Variants in TIAM2 observed in about 807,000 individuals in gnomAD.
TIAM2 encodes rho guanine nucleotide exchange factor TIAM2.
In TIAM2, 80 loss-of-function variants were observed where a neutral mutation model predicts 152.9. The ratio of observed to expected loss-of-function variants is 0.52; its 90% CI spans 0.44 to 0.63. The LOEUF (loss-of-function observed/expected upper bound fraction) is 0.63, where lower values mean the gene tolerates loss of function less well. Among genes scored for constraint, TIAM2 ranks in the 30% least tolerant of loss-of-function variants. TIAM2 has a pLI of 0.00. For synonymous variants in TIAM2, 804 were observed against 838.0 expected (o/e 0.96, Z 0.70); for missense variants, 1,965 against 2,120.1 (o/e 0.93, Z 1.44).
intron 14 of TIAM2, among the ~76,000 whole-genome samples, chr6:155,187,573 C>CCCGGTTTTTTTTTTTTTTTT: frequency 2.0e-5 from 1 of 49,622 alleles, no homozygotes; most frequent in South Asian, 9.5e-4. Context: ...ACCCCGCCCC[C>CCCGGTTTTTTTTTTTTTTTT]TTTTTTTTTT....
chr6:155,034,590 A>C (rs1056950543), intron 1 of TIAM2, among the ~76,000 whole-genome samples: 1 of 152,130 alleles, frequency 6.6e-6, no homozygotes, highest in African/African-American at 2.4e-5. Context: ...GGATGTCTTC[A>C]TCTAGATGTT....
At chr6:155,191,196 A>G (rs1781194943) in intron 14 of TIAM2, among the ~76,000 whole-genome samples, 1 of 152,204 alleles carries the variant, frequency 6.6e-6, no homozygotes, top group Non-Finnish European at 1.5e-5. Flanking sequence ...ACACCATCTG[A>G]TGACCTGGTT....
chr6:155,250,219 G>A (rs888624422), intron 21 of TIAM2, among the ~76,000 whole-genome samples: 8 of 151,982 alleles, frequency 5.3e-5, no homozygotes, highest in Non-Finnish European at 8.8e-5. Context: ...GTGAGAGCTG[G>A]CAGAGGGTGG....
At chr6:155,208,856 ACT>A (rs748582368) in intron 14 of TIAM2, among the ~76,000 whole-genome samples, 6 of 151,514 alleles carry the variant, frequency 4.0e-5, no homozygotes, top group Non-Finnish European at 8.8e-5. Flanking sequence ...CATCGAGGAC[ACT>A]CTTCCATCTC....
intron 1 of TIAM2, among the ~76,000 whole-genome samples, chr6:155,064,373 C>A (rs540563759): frequency 5.9e-5 from 9 of 152,328 alleles, no homozygotes; most frequent in South Asian, 2.1e-4. Context: ...AAGAAAAGCA[C>A]ACAATCTCAT....
intron 2 of TIAM2, among the ~76,000 whole-genome samples, chr6:155,107,225 T>C (rs1778715944): frequency 6.6e-6 from 1 of 152,208 alleles, no homozygotes; most frequent in African/African-American, 2.4e-5. Flanking sequence ...ACATGTGAGA[T>C]AAAAATGTTT....
In TIAM2 at chr6:154,995,714, A is replaced by C. The variant is rs916801433; in HGVS notation, c.-209+222A>C. 2.6e-5 allele frequency among the ~76,000 whole-genome samples: 4 copies of C among 152,024 alleles called. No individual in the cohort carries two copies. Among genetic ancestry groups the C allele is most frequent in the Non-Finnish European group, 5.9e-5 (4 of 67,984 alleles). On this transcript the variant is annotated intron_variant, in intron 1 of 26. Coordinates refer to ENST00000682666, the MANE Select transcript of TIAM2 (RefSeq NM_012454.4). This position sits in a 1 kb window ranked among gnomAD's most constrained non-coding sequence, Gnocchi z 5.2. ...CCCCGGAGGGCGGCAGCGTCCGGGC[A>C]CAGCCTGGCACGGGGGACGAAGCAC...
At chr6:155,020,150 G>A (rs1394225788) in intron 1 of TIAM2, among the ~76,000 whole-genome samples, 2 of 152,180 alleles carry the variant, frequency 1.3e-5, no homozygotes, top group Non-Finnish European at 2.9e-5. Context: ...TCCCGGCTGT[G>A]CAGCCTTGCC....
At chr6:155,176,211 G>C (rs1277231595) in intron 9 of TIAM2, among the ~76,000 whole-genome samples, 1 of 152,086 alleles carries the variant, frequency 6.6e-6, no homozygotes, top group African/African-American at 2.4e-5. Flanking sequence ...TGGATACTCA[G>C]CAGCCCTTAC....
Position 155,144,643 on chromosome 6 carries a change from T to G in TIAM2, c.1668T>G (p.Asn556Lys). 2 of 1,567,946 alleles carry G rather than the reference T, an allele frequency of 1.3e-6. No homozygotes were observed. The highest frequency in any genetic ancestry group is 1.7e-6 in the Non-Finnish European group (2 of 1,163,404). ...TGTTTTATGAGACCTATGGGAAGAATTCCATGGATCAGAGCAGTGCCCCTC... is the reference window on the plus strand; with the variant it reads ...TGTTTTATGAGACCTATGGGAAGAAGTCCATGGATCAGAGCAGTGCCCCTC... ...TLLFYETYGK[N>K]SMDQSSAPRC... The change falls in exon 6 of 27, where the codon AAT (asparagine) becomes AAG (lysine). Residue 556 changes from asparagine to lysine, a missense_variant. By Grantham distance (94) the Asn-to-Lys change is moderately conservative. Coordinates refer to ENST00000682666, the MANE Select transcript of TIAM2 (RefSeq NM_012454.4).
chr6:155,213,996 G>A lies in TIAM2; in HGVS notation c.3168+2689G>A, dbSNP rs755837287. 6.6e-6 allele frequency among the ~76,000 whole-genome samples: 1 copy of A among 152,224 alleles called. No individual in the cohort carries two copies. The highest frequency in any genetic ancestry group is 2.4e-5 in the African/African-American group (1 of 41,468). ...CCTAGGCCCCTGAGAGTGCAGAGAT[G>A]TCTGGGTCCACAGTCGCGGCTACGT... On this transcript the variant is annotated intron_variant, in intron 15 of 26. Transcript: ENST00000682666. This position sits in a 1 kb window ranked among gnomAD's most constrained non-coding sequence, Gnocchi z 4.2.
intron 9 of TIAM2, chr6:155,168,881 A>G (rs1449490667): frequency 6.5e-7 from 1 of 1,535,676 alleles, no homozygotes; most frequent in South Asian, 1.2e-5. Context: ...ATTTTCTGGA[A>G]CTCAGCTACC....
chr6:155,028,296 A>G lies in TIAM2; in HGVS notation c.-209+32804A>G, dbSNP rs980968098. 4.0e-4 allele frequency among the ~76,000 whole-genome samples: 50 copies of G among 125,862 alleles called. 4 individuals are homozygous for G. The highest frequency in any genetic ancestry group is 8.1e-4 in the Non-Finnish European group (49 of 60,696). The allele number at this position is 125,862 out of a possible 152,430, so 82.6% of individuals were successfully genotyped here. On this transcript the variant is annotated intron_variant, in intron 1 of 26. Transcript: ENST00000682666. ...AATATATGTACTGTGTTACATATAT[A>G]CTACATATATGTACTGTGTTACATA...
rs565835853 is a variant in TIAM2 at position 155,252,576 on chromosome 6, A to C, written c.4120-372A>C. On this transcript the variant is annotated intron_variant, in intron 23 of 26. Transcript: ENST00000682666. Reference sequence around the variant, plus strand: ...TGGCCCATGTTTGTTCCATAAACATAGTCTGTGAAACTTTGGTTTATTTTC... The same window carrying C: ...TGGCCCATGTTTGTTCCATAAACATCGTCTGTGAAACTTTGGTTTATTTTC... Among the ~76,000 whole-genome samples the C allele has an allele frequency of 2.6e-5, 4 of 152,364 alleles. No homozygotes were observed. The East Asian group carries it at 7.7e-4, about 29-fold the overall frequency.
In TIAM2 at chr6:155,156,258, G is replaced by T. The variant is rs547647291; in HGVS notation, c.2028+7924G>T. Reference sequence around the variant, plus strand: ...GGTGAGAGGTAGACAGGGGAAGTAGGACTGTCTGTCACTCTCTCCTCCCGG... The same window carrying T: ...GGTGAGAGGTAGACAGGGGAAGTAGTACTGTCTGTCACTCTCTCCTCCCGG... On this transcript the variant is annotated intron_variant, in intron 7 of 26. Coordinates refer to ENST00000682666, the MANE Select transcript of TIAM2 (RefSeq NM_012454.4). The surrounding 1 kb of genome is among the most constrained non-coding windows in gnomAD (Gnocchi z 4.4). Among the ~76,000 whole-genome samples, 8 of 152,220 alleles carry T rather than the reference G, an allele frequency of 5.3e-5. No homozygotes were observed. Among genetic ancestry groups the T allele is most frequent in the Admixed American group, 4.6e-4 (7 of 15,286 alleles).
chr6:155,137,505 G>A lies in TIAM2; in HGVS notation c.1523G>A (p.Arg508Gln), dbSNP rs778703108. ...TTTGAGAAGGAACAGGGGGTGGTCC[G>A]GAAGGCCGGGTGGCTCTTCTTCAAG... Reference protein sequence around the residue: ...LLFEKEQGVVRKAGWLFFKPL... With the variant: ...LLFEKEQGVVQKAGWLFFKPL... Residue 508 changes from arginine (R) to glutamine (Q), a missense_variant, in exon 5 of 27, where the codon CGG becomes CAG. Arg to Gln is a conservative substitution (Grantham distance 43). Coordinates refer to ENST00000682666, the MANE Select transcript of TIAM2 (RefSeq NM_012454.4). 7.4e-6 allele frequency: 12 copies of A among 1,614,032 alleles called. No individual in the cohort carries two copies. The highest frequency in any genetic ancestry group is 3.3e-5 in the Admixed American group (2 of 60,004).
chr6:155,029,729 A>G (rs973356388), intron 1 of TIAM2, among the ~76,000 whole-genome samples: 33 of 139,754 alleles, frequency 2.4e-4, no homozygotes, highest in African/African-American at 7.9e-4. Flanking sequence ...TTATATAACT[A>G]TATAGTATAT....
chr6:155,143,430 A>T (rs9384290), intron 5 of TIAM2, among the ~76,000 whole-genome samples: 77,193 of 152,074 alleles, frequency 0.51, 19,890 homozygotes, highest in Middle Eastern at 0.57. Context: ...ATTCAGGCAC[A>T]TTTAGTTTCA....
chr6:155,091,822 A>G (rs755191706), intron 2 of TIAM2, among the ~76,000 whole-genome samples: 2 of 152,204 alleles, frequency 1.3e-5, no homozygotes, highest in African/African-American at 2.4e-5. Context: ...TAAGGTCTAC[A>G]GTTATTTAGA....
Sources: allele counts gnomAD v4.1 joint callset (sites outside exome capture counted in the v4.1 genomes callset), GRCh38; gene constraint gnomAD v4.1.1; non-coding constraint Gnocchi (gnomAD v3.1); transcripts MANE v1.5; gene names NCBI Gene and HGNC (gene_info 2026-07-23, HGNC 2026-07-21).